Variants in KIF5C observed in about 807,000 individuals in gnomAD.
KIF5C encodes kinesin heavy chain isoform 5C.
A neutral mutation model predicts 125.2 loss-of-function variants in KIF5C; 18 were observed. That is an observed-to-expected ratio of 0.14 (90% confidence interval 0.10 to 0.21). The LOEUF (loss-of-function observed/expected upper bound fraction) is 0.21, where lower values mean the gene tolerates loss of function less well. Among genes scored for constraint, KIF5C ranks in the 10% least tolerant of loss-of-function variants. The pLI, the probability that KIF5C is intolerant of heterozygous loss-of-function variation, is 1.00. For synonymous variants in KIF5C, 405 were observed against 434.0 expected, an observed-to-expected ratio of 0.93 and a Z score of 0.83; for missense variants, 780 against 1,183.8, an observed-to-expected ratio of 0.66 and a Z score of 5.01.
chr2:148,999,449 C>T (rs76508686), intron 19 of KIF5C, among the ~76,000 whole-genome samples: 3,652 of 152,286 alleles, frequency 0.024, 136 homozygotes, highest in African/African-American at 0.077. Context: ...TCGAAAGGTG[C>T]ATTTGCATTT....
intron 1 of KIF5C, among the ~76,000 whole-genome samples, chr2:148,913,607 T>A (rs187602691): frequency 2.1e-3 from 314 of 152,316 alleles, no homozygotes; most frequent in African/African-American, 7.1e-3. Context: ...ATTTTTTAAC[T>A]AAAGGGAAGA....
intron 1 of KIF5C, among the ~76,000 whole-genome samples, chr2:148,909,648 G>C (rs1681254468): frequency 6.6e-6 from 1 of 152,198 alleles, no homozygotes; most frequent in Non-Finnish European, 1.5e-5. Flanking sequence ...TTATGCCAGT[G>C]TTCATGAGGA....
intron 1 of KIF5C, among the ~76,000 whole-genome samples, chr2:148,911,717 T>C (rs1286329709): frequency 6.6e-6 from 1 of 151,992 alleles, no homozygotes; most frequent in Admixed American, 6.6e-5. Flanking sequence ...TGGAAGGAAA[T>C]CTTGGATGAA....
intron 10 of KIF5C, among the ~76,000 whole-genome samples, chr2:148,961,083 G>A (rs1029702793): frequency 2.6e-5 from 4 of 152,134 alleles, no homozygotes; most frequent in Non-Finnish European, 5.9e-5. Context: ...AACCCCCCAG[G>A]CCATGTGCCC....
intron 25 of KIF5C, among the ~76,000 whole-genome samples, chr2:149,012,576 G>A (rs1682242701): frequency 6.6e-6 from 1 of 152,262 alleles, no homozygotes; most frequent in Non-Finnish European, 1.5e-5. Context: ...AGGGGCTGGA[G>A]CCATCACTCA....
At chr2:148,903,409 C>T (rs951763385) in intron 1 of KIF5C, among the ~76,000 whole-genome samples, 5 of 152,170 alleles carry the variant, frequency 3.3e-5, no homozygotes, top group East Asian at 1.9e-4. Flanking sequence ...CTCAGCTAAA[C>T]GCCTTTGCTT....
At chr2:148,944,958 A>G (rs1682489733) in intron 7 of KIF5C, among the ~76,000 whole-genome samples, 1 of 152,076 alleles carries the variant, frequency 6.6e-6, no homozygotes. Flanking sequence ...TCTTTGAGGA[A>G]TGTCTATTCA....
At chr2:149,013,810 C>T (rs371080908) in intron 25 of KIF5C, among the ~76,000 whole-genome samples, 6 of 152,302 alleles carry the variant, frequency 3.9e-5, no homozygotes, top group African/African-American at 1.4e-4. Flanking sequence ...CAACCAAATG[C>T]TGGCCATTCA....
chr2:148,989,598 C>T (rs1179842029), intron 15 of KIF5C, among the ~76,000 whole-genome samples: 1 of 152,198 alleles, frequency 6.6e-6, no homozygotes, highest in Non-Finnish European at 1.5e-5. Context: ...TTTACGTTCC[C>T]ACCAGCAGTG....
rs1252542788 is a variant in KIF5C at position 148,983,642 on chromosome 2, G to C, written c.1592G>C (p.Arg531Thr). ...CAGACTACATTGACAACCACACAGA[G>C]AGAGCTGAGCCAGCTACAAGAGCTT... ...QKTTTLTTTQ[R>T]ELSQLQELSN... Residue 531 changes from arginine (R) to threonine (T), a missense_variant, in exon 15 of 26, where the codon AGA becomes ACA. Coordinates refer to ENST00000435030, the MANE Select transcript of KIF5C (RefSeq NM_004522.3). The C allele has an allele frequency of 1.3e-6, 2 of 1,594,982 alleles. No individual in the cohort carries two copies. The highest frequency in any genetic ancestry group is 2.3e-5 in the South Asian group (2 of 88,320).
rs182298866 is a variant in KIF5C at position 148,929,473 on chromosome 2, G to T, written c.291+119G>T. The T allele has an allele frequency of 2.8e-3, 1,744 of 621,874 alleles. 18 individuals carry two copies. The highest frequency in any genetic ancestry group is 0.028 in the African/African-American group (1,501 of 53,642). The allele number at this position is 621,874 out of a possible 1,614,324, so 38.5% of individuals were successfully genotyped here. On this transcript the variant is annotated intron_variant, in intron 3 of 25. Transcript: ENST00000435030. Reference sequence around the variant, plus strand: ...CTGGGAAATAGAGACGGTTATGTTTGGCCAATTAATTATGTCTTTGAGAAG... The same window carrying T: ...CTGGGAAATAGAGACGGTTATGTTTTGCCAATTAATTATGTCTTTGAGAAG...
At chr2:149,011,866 C>A (rs1193321175) in intron 25 of KIF5C, among the ~76,000 whole-genome samples, 183 bp downstream of exon 25, 1 of 152,208 alleles carries the variant, frequency 6.6e-6, no homozygotes, top group Non-Finnish European at 1.5e-5. Context: ...GCCCTGGGGT[C>A]TTCTAGCTGA....
chr2:148,962,549 G>A (rs1386264155), intron 11 of KIF5C, among the ~76,000 whole-genome samples: 1 of 152,064 alleles, frequency 6.6e-6, no homozygotes, highest in Non-Finnish European at 1.5e-5. Flanking sequence ...GGGCAATGGT[G>A]CAGCTTGATT....
At chr2:148,909,125 A>G (rs565431524) in intron 1 of KIF5C, among the ~76,000 whole-genome samples, 20 of 152,322 alleles carry the variant, frequency 1.3e-4, no homozygotes, top group Admixed American at 5.2e-4. Context: ...TACGTTACAC[A>G]TGTATGTGCT....
chr2:148,965,472 A>T (rs1197858835), intron 11 of KIF5C, among the ~76,000 whole-genome samples: 1 of 152,042 alleles, frequency 6.6e-6, no homozygotes, highest in Non-Finnish European at 1.5e-5. Context: ...TCTAGGGGCA[A>T]AGTTCTTAAA....
chr2:148,914,574 T>C (rs1681469890), intron 1 of KIF5C, among the ~76,000 whole-genome samples: 1 of 152,266 alleles, frequency 6.6e-6, no homozygotes, highest in African/African-American at 2.4e-5. Flanking sequence ...TTCATTCTTG[T>C]GTGTTGCCTT....
At chr2:148,940,915 C>G (rs1682393749) in intron 4 of KIF5C, among the ~76,000 whole-genome samples, 1 of 152,178 alleles carries the variant, frequency 6.6e-6, no homozygotes, top group African/African-American at 2.4e-5. Flanking sequence ...GAACCAGATT[C>G]CTAGTTCCTT....
chr2:148,933,050 G>A (rs1430643023), intron 3 of KIF5C, among the ~76,000 whole-genome samples: 1 of 152,132 alleles, frequency 6.6e-6, no homozygotes, highest in African/African-American at 2.4e-5. Context: ...ACAAGGTGAT[G>A]AGGCAGTGGA....
At chr2:148,974,900 G>A (rs1260017839) in intron 12 of KIF5C, among the ~76,000 whole-genome samples, 1 of 152,184 alleles carries the variant, frequency 6.6e-6, no homozygotes, top group Admixed American at 6.5e-5. Flanking sequence ...TACCTTGGCA[G>A]CACAGGGAAC....
Sources: gnomAD v4.1 joint callset for allele counts (sites outside exome capture counted in the v4.1 genomes callset) on GRCh38, gnomAD v4.1.1 for gene constraint, MANE v1.5 for transcripts, NCBI Gene and HGNC (gene_info 2026-07-23, HGNC 2026-07-21) for gene names.